The following CD99 variants were observed in gnomAD, a reference collection of about 807,000 sequenced individuals.
CD99 encodes the protein CD99 molecule (Xg blood group), also known as CD99 antigen.
CD99 carries 19 observed loss-of-function variants against 28.4 expected under a neutral mutation model. The observed-to-expected ratio is 0.67, with a 90% CI of 0.47 to 0.98. CD99 has a LOEUF of 0.98. Among genes scored for constraint, CD99 ranks in the 50% least tolerant of loss-of-function variants. The pLI, the probability that CD99 is intolerant of heterozygous loss-of-function variation, is 0.00. For missense variants in CD99, 283 were observed against 248.8 expected (o/e 1.14, Z -0.92); for synonymous variants, 103 against 92.1 (o/e 1.12, Z -0.67).
intron 8 of CD99, among the ~76,000 whole-genome samples, chrX:2,732,844 C>T (rs1445488292): frequency 6.8e-6 from 1 of 147,948 alleles, no homozygotes; most frequent in Admixed American, 6.9e-5. Flanking sequence ...CTTCATCCAT[C>T]TCTCCTGTTC....
At chrX:2,707,703 T>C (rs1446589580) in intron 1 of CD99, among the ~76,000 whole-genome samples, 1 of 152,114 alleles carries the variant, frequency 6.6e-6, no homozygotes, top group African/African-American at 2.4e-5. Flanking sequence ...GAGGGTCTGG[T>C]CTCTTTGCAA....
intron 9 of CD99, 113 bp from the exon 10 acceptor site, chrX:2,740,666 C>A: frequency 1.0e-6 from 1 of 991,610 alleles, no homozygotes; most frequent in Non-Finnish European, 1.5e-6. Context: ...AGTTTTGGGC[C>A]CATTTTTCTT....
At chrX:2,721,216 G>A (rs2048977986) in intron 5 of CD99, among the ~76,000 whole-genome samples, 2 of 151,782 alleles carry the variant, frequency 1.3e-5, no homozygotes, top group Admixed American at 6.6e-5. Flanking sequence ...TTTTAACACA[G>A]AAGAATATTA....
chrX:2,694,294 T>A (rs1217948485), intron 1 of CD99, among the ~76,000 whole-genome samples: 1 of 151,446 alleles, frequency 6.6e-6, no homozygotes, highest in East Asian at 1.9e-4. Context: ...TTTTTTTTTT[T>A]AACTCTCTCC....
rs1467244035 is a variant in CD99 at position 2,740,818 on chromosome X, G to C, written c.*14G>C. On this transcript the variant is annotated 3_prime_UTR_variant, in exon 10 of 10. Coordinates refer to ENST00000381192, the MANE Select transcript of CD99 (RefSeq NM_002414.5). The stretch of plus-strand genomic sequence containing the variant: ...TTAGAGAAATAGAAGATTGTCGGCA[G>C]AAACAGCCCAGGCGTTGGCAGCAGG... The C allele has an allele frequency of 6.2e-7, 1 of 1,613,952 alleles. No homozygotes were observed. Among genetic ancestry groups the C allele is most frequent in the South Asian group, 1.1e-5 (1 of 91,066 alleles).
intron 1 of CD99, among the ~76,000 whole-genome samples, chrX:2,713,968 A>G (rs1490802281): frequency 6.6e-6 from 1 of 152,056 alleles, no homozygotes; most frequent in Non-Finnish European, 1.5e-5. Flanking sequence ...GGATTCCATG[A>G]GATTTTTTTT....
chrX:2,722,637 A>G lies in CD99; in HGVS notation c.273A>G (p.Ser91=). The G allele has an allele frequency of 7.4e-6, 12 of 1,613,930 alleles. No homozygotes were observed. The highest frequency in any genetic ancestry group is 9.3e-6 in the Non-Finnish European group (11 of 1,179,852). The change falls in exon 6 of 10, where the codon TCA becomes TCG. Residue 91 remains serine, a synonymous_variant. Coordinates refer to ENST00000381192, the MANE Select transcript of CD99 (RefSeq NM_002414.5). The stretch of plus-strand genomic sequence containing the variant: ...TATTTTCTTTCCTAGGTAGCTTTTC[A>G]GATGCTGACCTTGCGGATGGCGTTT... ...PNHPSSSGSF[S]DADLADGVSG... is the part of the protein sequence containing the mutation.
chrX:2,692,837 C>T (rs760285859), intron 1 of CD99, among the ~76,000 whole-genome samples: 2 of 152,270 alleles, frequency 1.3e-5, no homozygotes, highest in East Asian at 1.9e-4. Flanking sequence ...CTACTGTGGG[C>T]TTGGGGTCAG....
At chrX:2,735,846 A>T (rs1379247882) in intron 8 of CD99, among the ~76,000 whole-genome samples, 1 of 152,178 alleles carries the variant, frequency 6.6e-6, no homozygotes, top group African/African-American at 2.4e-5. Context: ...TAGGGAGAAC[A>T]GTTGAAACTG....
At chrX:2,704,699 A>G (rs1189569521) in intron 1 of CD99, among the ~76,000 whole-genome samples, 2 of 152,132 alleles carry the variant, frequency 1.3e-5, no homozygotes, top group South Asian at 4.2e-4. Flanking sequence ...TTGGGATTAC[A>G]GGAGTGAGCC....
intron 1 of CD99, chrX:2,692,070 G>T: frequency 1.6e-6 from 1 of 609,076 alleles, no homozygotes. Flanking sequence ...CTGCGGCGGT[G>T]GAGAATTCGG....
In CD99 at chrX:2,691,406, G is replaced by T. The variant is rs1317380473; in HGVS notation, c.46G>T (p.Gly16Cys). ...GGCGCTGCTGCTCTTCGGCCTGCTG[G>T]GTGTTCTGGTCGCCGCCCCGGGTGA... Reference protein sequence around the residue: ...ALALLLFGLLGVLVAAPDGGF... With the variant: ...ALALLLFGLLCVLVAAPDGGF... Residue 16 changes from glycine to cysteine, a missense_variant, in exon 1 of 10, where the codon GGT (glycine) becomes TGT (cysteine). Physicochemically the swap from Gly to Cys is radical, Grantham distance 159. Coordinates refer to ENST00000381192, the MANE Select transcript of CD99 (RefSeq NM_002414.5). 1 of 1,585,308 alleles carries T rather than the reference G, an allele frequency of 6.3e-7. No individual in the cohort carries two copies. Among genetic ancestry groups the T allele is most frequent in the Non-Finnish European group, 8.5e-7 (1 of 1,174,810 alleles).
chrX:2,732,916 TCCTTC>T (rs1287372362), intron 8 of CD99, among the ~76,000 whole-genome samples: 2 of 142,290 alleles, frequency 1.4e-5, no homozygotes, highest in Non-Finnish European at 3.1e-5. Flanking sequence ...TTTCCTTCCT[TCCTTC>T]CCTTCCTCCT....
At chrX:2,703,244 C>T (rs979742414) in intron 1 of CD99, among the ~76,000 whole-genome samples, 7 of 152,154 alleles carry the variant, frequency 4.6e-5, no homozygotes, top group African/African-American at 1.7e-4. Context: ...AGTGATTTTG[C>T]GCTTTCAAAT....
intron 2 of CD99, chrX:2,717,328 A>G (rs2048772560): frequency 4.9e-6 from 2 of 406,132 alleles, no homozygotes; most frequent in Non-Finnish European, 8.8e-6. Flanking sequence ...AGCTTGGGTA[A>G]CAGAGCAAGA....
At position 2,741,040 on chromosome X, in the gene CD99, G is replaced by A; in HGVS notation, c.*236G>A. 1.2e-5 allele frequency: 7 copies of A among 581,148 alleles called. No individual in the cohort carries two copies. In the South Asian group the frequency reaches 1.6e-4, roughly 13 times the overall value. 36.0% of individuals were successfully genotyped at this position (581,148 alleles called of 1,614,324 possible). ...TTGGACCCCCATTCTCCAAGGCCCG[G>A]GGGGGCGGTTTCCCATGGGATGTGA... On this transcript the variant is annotated 3_prime_UTR_variant, in exon 10 of 10. Coordinates refer to ENST00000381192, the MANE Select transcript of CD99 (RefSeq NM_002414.5).
chrX:2,702,068 T>A lies in CD99; in HGVS notation c.67+10641T>A, dbSNP rs755432131. Among the ~76,000 whole-genome samples, 8 of 152,280 alleles carry A rather than the reference T, an allele frequency of 5.3e-5. No homozygotes were observed. The East Asian group carries it at 1.4e-3, about 26-fold the overall frequency. On this transcript the variant is annotated intron_variant, in intron 1 of 9. Coordinates refer to ENST00000381192, the MANE Select transcript of CD99 (RefSeq NM_002414.5). Reference sequence around the variant, plus strand: ...GATGTGTGTAATTTGCTGCTGGAGTTGAGAACTGGGGTGCGGAGCTGTGCT... The same window carrying A: ...GATGTGTGTAATTTGCTGCTGGAGTAGAGAACTGGGGTGCGGAGCTGTGCT...
chrX:2,696,554 C>T (rs777805427), intron 1 of CD99, among the ~76,000 whole-genome samples: 2 of 152,262 alleles, frequency 1.3e-5, no homozygotes, highest in South Asian at 4.1e-4. Context: ...GTGCCCGCCA[C>T]CACACCTGGC....
chrX:2,722,495 A>C (rs2049042127), intron 5 of CD99, 132 bp from the exon 6 acceptor site: 2 of 785,354 alleles, frequency 2.5e-6, no homozygotes. Context: ...TAATTTTTAT[A>C]TTCTTAGTGG....
Sources: allele counts gnomAD v4.1 joint callset (sites outside exome capture counted in the v4.1 genomes callset), GRCh38; gene constraint gnomAD v4.1.1; transcripts MANE v1.5; gene names NCBI Gene and HGNC (gene_info 2026-07-23, HGNC 2026-07-21).